The following GPR63 variants were observed in gnomAD, a reference collection of about 807,000 sequenced individuals.
GPR63 encodes the protein probable G protein-coupled receptor 63.
A neutral mutation model predicts 23.1 loss-of-function variants in GPR63; 12 were observed. That is an observed-to-expected ratio of 0.52 (90% CI 0.33 to 0.84). The LOEUF (loss-of-function observed/expected upper bound fraction) is 0.84. GPR63 is among the 40% of genes least tolerant of loss of function. GPR63 has a pLI of 0.02. For synonymous variants in GPR63, 172 were observed against 191.1 expected, an observed-to-expected ratio of 0.90 and a Z score of 0.82; for missense variants, 472 against 515.6, an observed-to-expected ratio of 0.92 and a Z score of 0.82.
At chr6:96,817,435 G>A (rs1774192210) in intron 1 of GPR63, among the ~76,000 whole-genome samples, 1 of 152,110 alleles carries the variant, frequency 6.6e-6, no homozygotes, top group South Asian at 2.1e-4. Context: ...TGGGTAACTA[G>A]ATAACAGTAT....
At chr6:96,808,112 T>C (rs1288279244) in intron 1 of GPR63, among the ~76,000 whole-genome samples, 1 of 152,190 alleles carries the variant, frequency 6.6e-6, no homozygotes, top group Non-Finnish European at 1.5e-5. Context: ...CAAAAACATA[T>C]TGCTAAATTT....
intron 1 of GPR63, among the ~76,000 whole-genome samples, chr6:96,804,158 G>A: frequency 6.6e-6 from 1 of 152,126 alleles, no homozygotes; most frequent in East Asian, 1.9e-4. Flanking sequence ...TATTTATTGG[G>A]CTTCAGTGGC....
rs1305607363 is a variant in GPR63, at chr6:96,794,265, G to A, written c.*4207C>T. 6.6e-6 allele frequency: 1 copy of A among 151,810 alleles called. No individual in the cohort carries two copies. The highest frequency in any genetic ancestry group is 1.5e-5 in the Non-Finnish European group (1 of 67,938). 9.4% of individuals were successfully genotyped at this position (151,810 alleles called of 1,614,324 possible). ...GTTGTTTTTTTTTCCATACAGGTCAGTTACTATTGTAAAATAAATTAATTT... is the reference window on the plus strand; with the variant it reads ...GTTGTTTTTTTTTCCATACAGGTCAATTACTATTGTAAAATAAATTAATTT... On this transcript the variant is annotated 3_prime_UTR_variant, in exon 2 of 2. Coordinates refer to ENST00000229955, the MANE Select transcript of GPR63 (RefSeq NM_030784.4).
At chr6:96,836,741 G>C (rs1582287413) in intron 1 of GPR63, among the ~76,000 whole-genome samples, 1 of 152,100 alleles carries the variant, frequency 6.6e-6, no homozygotes, top group Admixed American at 6.5e-5. Flanking sequence ...AGCGCCGCAA[G>C]CTGAACCACA....
chr6:96,830,178 T>C (rs1774544391), intron 1 of GPR63, among the ~76,000 whole-genome samples: 1 of 152,192 alleles, frequency 6.6e-6, no homozygotes, highest in African/African-American at 2.4e-5. Flanking sequence ...TCTAGGTGTA[T>C]TTCTTAACTT....
At chr6:96,822,483 G>A (rs1190470049) in intron 1 of GPR63, among the ~76,000 whole-genome samples, 1 of 152,086 alleles carries the variant, frequency 6.6e-6, no homozygotes, top group African/African-American at 2.4e-5. Context: ...AAGAAATGTT[G>A]ACAGCGTCAT....
At chr6:96,808,927 C>A (rs1272564109) in intron 1 of GPR63, among the ~76,000 whole-genome samples, 9 of 148,576 alleles carry the variant, frequency 6.1e-5, no homozygotes, top group Middle Eastern at 3.5e-3. Flanking sequence ...CCTCCCCCGT[C>A]CCCCCACCCC....
Position 96,799,700 on chromosome 6 carries a change from T to C in GPR63, c.32A>G (p.His11Arg), listed in dbSNP as rs983310778. MVFSAVLTAFHTGTSNTTFVV... is the reference protein window; with the variant it reads MVFSAVLTAFRTGTSNTTFVV... Reference sequence around the variant, plus strand: ...AAATGTTGTGTTGGATGTCCCGGTATGGAACGCAGTCAACACTGCCGAGAA... The same window carrying C: ...AAATGTTGTGTTGGATGTCCCGGTACGGAACGCAGTCAACACTGCCGAGAA... Residue 11 changes from histidine to arginine, a missense_variant, in exon 2 of 2, where the codon CAT (histidine) becomes CGT (arginine). By Grantham distance (29) the His-to-Arg change is conservative. Coordinates refer to ENST00000229955, the MANE Select transcript of GPR63 (RefSeq NM_030784.4). The C allele has an allele frequency of 1.2e-6, 2 of 1,614,090 alleles. No individual in the cohort carries two copies. The highest frequency in any genetic ancestry group is 1.7e-6 in the Non-Finnish European group (2 of 1,180,044).
chr6:96,835,297 T>C (rs1285377754), intron 1 of GPR63, among the ~76,000 whole-genome samples: 2 of 152,186 alleles, frequency 1.3e-5, no homozygotes, highest in Non-Finnish European at 2.9e-5. Context: ...GGTCCCTAAA[T>C]GGTTTTCATG....
intron 1 of GPR63, among the ~76,000 whole-genome samples, chr6:96,822,165 T>C (rs140757119): frequency 6.6e-6 from 1 of 152,182 alleles, no homozygotes; most frequent in Non-Finnish European, 1.5e-5. Flanking sequence ...TATAGAACTA[T>C]GAAATTTTGT....
In GPR63 at chr6:96,837,447, G is replaced by C. The variant is rs1774767599; in HGVS notation, c.-330C>G. On this transcript the variant is annotated 5_prime_UTR_variant, in exon 1 of 2. Coordinates refer to ENST00000229955, the MANE Select transcript of GPR63 (RefSeq NM_030784.4). Reference sequence around the variant, plus strand: ...AGGTGGTGGCGGCGGCGGCGATACAGGCGGCGGTGGCGGGAGCTGGAGCTG... The same window carrying C: ...AGGTGGTGGCGGCGGCGGCGATACACGCGGCGGTGGCGGGAGCTGGAGCTG... The C allele has an allele frequency of 6.5e-6, 1 of 153,940 alleles. No individual in the cohort carries two copies. Among genetic ancestry groups the C allele is most frequent in the African/African-American group, 2.4e-5 (1 of 41,498 alleles). The allele number at this position is 153,940 out of a possible 1,614,324, so 9.5% of individuals were successfully genotyped here. A position where few individuals can be genotyped will look rare whatever the true frequency, so the allele number is the denominator to read the frequency against.
At chr6:96,816,236 G>T (rs576447676) in intron 1 of GPR63, among the ~76,000 whole-genome samples, 1 of 152,242 alleles carries the variant, frequency 6.6e-6, no homozygotes, top group East Asian at 1.9e-4. Flanking sequence ...GTAAAAATGA[G>T]AATTCAAACA....
chr6:96,794,603 A>G lies in GPR63; in HGVS notation c.*3869T>C, dbSNP rs1773535546. 6.6e-6 allele frequency: 1 copy of G among 152,226 alleles called. No individual in the cohort carries two copies. Among genetic ancestry groups the G allele is most frequent in the African/African-American group, 2.4e-5 (1 of 41,464 alleles). 9.4% of individuals were successfully genotyped at this position (152,226 alleles called of 1,614,324 possible). On this transcript the variant is annotated 3_prime_UTR_variant, in exon 2 of 2. Transcript: ENST00000229955. The stretch of plus-strand genomic sequence containing the variant: ...ATTAAATATCTTTGTGGGCAACAGA[A>G]ATACACATATTAAAAAGGTTATTTT...
chr6:96,818,881 AAAG>A (rs34198792), intron 1 of GPR63, among the ~76,000 whole-genome samples: 34,091 of 152,108 alleles, frequency 0.22, 4,465 homozygotes, highest in East Asian at 0.37. Flanking sequence ...ACAATTGTCA[AAAG>A]AAGACATTTA....
chr6:96,801,409 G>C (rs916872408), intron 1 of GPR63, among the ~76,000 whole-genome samples: 17 of 152,262 alleles, frequency 1.1e-4, no homozygotes, highest in Admixed American at 1.0e-3. Context: ...ATGTTGGTCA[G>C]GCTGGTCTCG....
At chr6:96,820,140 AAT>A (rs752189778) in intron 1 of GPR63, among the ~76,000 whole-genome samples, 44 of 133,574 alleles carry the variant, frequency 3.3e-4, no homozygotes, top group Non-Finnish European at 5.6e-4. Flanking sequence ...TCATATTATA[AAT>A]ATATGTTAAT....
At chr6:96,810,221 C>T (rs890758828) in intron 1 of GPR63, among the ~76,000 whole-genome samples, 3 of 152,050 alleles carry the variant, frequency 2.0e-5, no homozygotes, top group Non-Finnish European at 4.4e-5. Flanking sequence ...TAAACTGGGG[C>T]GCGGTGGCTC....
intron 1 of GPR63, among the ~76,000 whole-genome samples, chr6:96,811,436 G>A (rs1774041164): frequency 1.3e-5 from 2 of 152,172 alleles, no homozygotes; most frequent in African/African-American, 4.8e-5. Context: ...ATGCCTAAGA[G>A]AAAGGAGAGC....
At chr6:96,835,059 G>C (rs1235079005) in intron 1 of GPR63, among the ~76,000 whole-genome samples, 2 of 152,160 alleles carry the variant, frequency 1.3e-5, no homozygotes, top group East Asian at 1.9e-4. Context: ...AGAAATGCCT[G>C]GTTCAATTAT....
Sources: allele counts gnomAD v4.1 joint callset (sites outside exome capture counted in the v4.1 genomes callset), GRCh38; gene constraint gnomAD v4.1.1; transcripts MANE v1.5; gene names NCBI Gene and HGNC (gene_info 2026-07-23, HGNC 2026-07-21).